RTN4: variants seen among roughly 807,000 people sequenced by gnomAD.
RTN4 encodes reticulon-4.
A neutral mutation model predicts 90.4 loss-of-function variants in RTN4; 32 were observed. That is an observed-to-expected ratio of 0.35 (90% confidence interval 0.27 to 0.48). RTN4 has a LOEUF of 0.48. Ranked by LOEUF, RTN4 falls within the 20% of genes least tolerant of loss-of-function variation. The probability of loss-of-function intolerance (pLI) is 0.99; values close to 1 mark genes in which losing one functional copy is unlikely to be tolerated. For synonymous variants in RTN4, 629 were observed against 552.5 expected, an observed-to-expected ratio of 1.14 and a Z score of -1.94; for missense variants, 1,706 against 1,430.2, an observed-to-expected ratio of 1.19 and a Z score of -3.11.
intron 3 of RTN4, among the ~76,000 whole-genome samples, chr2:55,013,122 C>T (rs1471440487): frequency 6.6e-6 from 1 of 152,116 alleles, no homozygotes; most frequent in Non-Finnish European, 1.5e-5. Flanking sequence ...CCACAGAAAA[C>T]TCCTTTATTT....
At chr2:55,045,068 T>G (rs895898407) in intron 1 of RTN4, among the ~76,000 whole-genome samples, 1 of 152,144 alleles carries the variant, frequency 6.6e-6, no homozygotes, top group Non-Finnish European at 1.5e-5. Context: ...ACTCAAAATC[T>G]TAAAATTTCT....
chr2:55,062,253 C>T (rs1264100899), intron 2 of RTN4, among the ~76,000 whole-genome samples: 1 of 152,148 alleles, frequency 6.6e-6, no homozygotes, highest in East Asian at 1.9e-4. Flanking sequence ...TCTTCCGGTA[C>T]ACCAAGGCAG....
intron 1 of RTN4, among the ~76,000 whole-genome samples, chr2:55,087,374 T>C (rs1250603176): frequency 3.3e-5 from 5 of 152,240 alleles, no homozygotes; most frequent in African/African-American, 1.2e-4. Context: ...TTAGCTTTTA[T>C]CATTGTTGTT....
At chr2:54,996,365 T>C (rs1679427967) in intron 3 of RTN4, among the ~76,000 whole-genome samples, 2 of 151,900 alleles carry the variant, frequency 1.3e-5, no homozygotes, top group Admixed American at 1.3e-4. Flanking sequence ...ATATAAGGGA[T>C]CCAAAAAATC....
the RTN4 span, among the ~76,000 whole-genome samples, chr2:55,123,869 T>C: frequency 0.011 from 1,685 of 152,194 alleles, 34 homozygotes; most frequent in African/African-American, 0.038. Flanking sequence ...GCCTTGCAAA[T>C]TGTGTAGCCA....
intron 3 of RTN4, among the ~76,000 whole-genome samples, chr2:54,992,049 G>A (rs1679052056): frequency 6.6e-6 from 1 of 152,066 alleles, no homozygotes; most frequent in African/African-American, 2.4e-5. Context: ...AAAACCTAAT[G>A]AGCCACTATG....
chr2:55,093,045 T>C (rs1668969604), intron 1 of RTN4, among the ~76,000 whole-genome samples: 1 of 152,256 alleles, frequency 6.6e-6, no homozygotes, highest in Non-Finnish European at 1.5e-5. Flanking sequence ...TATGTGTGTG[T>C]GTACGTGTGT....
chr2:55,049,536 A>G, intron 1 of RTN4: 1 of 794,576 alleles, frequency 1.3e-6, no homozygotes, highest in Non-Finnish European at 2.1e-6. Context: ...CCCCGAAACC[A>G]AGACGGACAA....
At chr2:55,136,452 G>A in the RTN4 span, among the ~76,000 whole-genome samples, 4 of 152,336 alleles carry the variant, frequency 2.6e-5, no homozygotes, top group African/African-American at 7.2e-5. Context: ...GACTCAAGTC[G>A]CCCGCTTGGC....
rs1677154259 is a variant in RTN4 at position 54,972,603 on chromosome 2, C to T, written c.*553G>A. On this transcript the variant is annotated 3_prime_UTR_variant, in exon 9 of 9. Transcript: ENST00000337526. ...GGTCTAAGCTTTGTGAAACACTATA[C>T]ATATATAATCTATATTTACTTATAT... 6.6e-6 allele frequency: 1 copy of T among 152,586 alleles called. No individual in the cohort carries two copies. Among genetic ancestry groups the T allele is most frequent in the African/African-American group, 2.4e-5 (1 of 41,444 alleles). The allele number at this position is 152,586 out of a possible 1,614,324, so 9.5% of individuals were successfully genotyped here. A position where few individuals can be genotyped will look rare whatever the true frequency, so the allele number is the denominator to read the frequency against.
At chr2:55,068,105 A>C (rs1014022984) in intron 2 of RTN4, among the ~76,000 whole-genome samples, 6 of 152,226 alleles carry the variant, frequency 3.9e-5, no homozygotes, top group Non-Finnish European at 8.8e-5. Flanking sequence ...ATGTGGTTGG[A>C]AATGGGAAGA....
intron 1 of RTN4, among the ~76,000 whole-genome samples, chr2:55,035,510 A>G (rs972177718): frequency 6.6e-6 from 1 of 152,176 alleles, no homozygotes; most frequent in African/African-American, 2.4e-5. Context: ...AAATGCTTTT[A>G]GAAAAAAGGC....
chr2:55,042,017 A>G (rs762411813), intron 1 of RTN4, among the ~76,000 whole-genome samples: 4 of 152,132 alleles, frequency 2.6e-5, no homozygotes, highest in Non-Finnish European at 5.9e-5. Context: ...CATACATGAG[A>G]CCAAAAACCC....
chr2:55,091,601 G>A (rs1390133770), intron 1 of RTN4, among the ~76,000 whole-genome samples: 1 of 152,238 alleles, frequency 6.6e-6, no homozygotes, highest in African/African-American at 2.4e-5. Context: ...GCCGAGGCAG[G>A]AGGATTGCTT....
chr2:55,065,384 T>C (rs938862472), intron 2 of RTN4, among the ~76,000 whole-genome samples: 2 of 152,202 alleles, frequency 1.3e-5, no homozygotes, highest in Non-Finnish European at 2.9e-5. Context: ...GCTGCCTTTG[T>C]AGGCATATTA....
intron 1 of RTN4, among the ~76,000 whole-genome samples, chr2:55,106,221 C>T (rs1192152862): frequency 6.6e-6 from 1 of 152,112 alleles, no homozygotes; most frequent in African/African-American, 2.4e-5. Flanking sequence ...CCTTCCTCAT[C>T]TGTAGTCCCA....
At chr2:55,021,904 T>G (rs1426141813) in intron 3 of RTN4, among the ~76,000 whole-genome samples, 1 of 152,134 alleles carries the variant, frequency 6.6e-6, no homozygotes, top group African/African-American at 2.4e-5. Context: ...CTATGATAAC[T>G]AATATCAAAA....
intron 3 of RTN4, among the ~76,000 whole-genome samples, chr2:55,010,881 A>C (rs1680582080): frequency 6.6e-6 from 1 of 152,206 alleles, no homozygotes; most frequent in African/African-American, 2.4e-5. Context: ...ACTTACTCTT[A>C]ATCATCATCT....
intron 5 of RTN4, among the ~76,000 whole-genome samples, chr2:54,981,619 G>A (rs558184245): frequency 1.3e-5 from 2 of 152,218 alleles, no homozygotes; most frequent in Non-Finnish European, 2.9e-5. Context: ...CTGTGGTTTA[G>A]TGCCTGTTTC....
Sources: gnomAD v4.1 joint callset for allele counts (sites outside exome capture counted in the v4.1 genomes callset) on GRCh38, gnomAD v4.1.1 for gene constraint, MANE v1.5 for transcripts, NCBI Gene and HGNC (gene_info 2026-07-23, HGNC 2026-07-21) for gene names.